The following SPMIP7 variants were observed in gnomAD, a reference collection of about 807,000 sequenced individuals.
SPMIP7 encodes the protein sperm microtubule inner protein 7, also known as protein SPMIP7.
At chr7:50,159,187 G>A in the SPMIP7 span, 4 of 1,549,564 alleles carry the variant, frequency 2.6e-6, no homozygotes, top group African/African-American at 1.4e-5. Context: ...GGCCCTGCGC[G>A]GGCTGTCCAG....
At chr7:50,115,093 A>G in the SPMIP7 span, among the ~76,000 whole-genome samples, 1 of 152,102 alleles carries the variant, frequency 6.6e-6, no homozygotes, top group African/African-American at 2.4e-5. Flanking sequence ...CATGTGAAAT[A>G]TAAATAGAAG....
chr7:50,131,605 A>G, the SPMIP7 span, among the ~76,000 whole-genome samples: 1 of 152,148 alleles, frequency 6.6e-6, no homozygotes, highest in Non-Finnish European at 1.5e-5. Context: ...AAAGAGAAAA[A>G]AAGAGGAGAA....
chr7:50,121,853 C>T, the SPMIP7 span, among the ~76,000 whole-genome samples: 9 of 151,564 alleles, frequency 5.9e-5, no homozygotes, highest in Non-Finnish European at 1.2e-4. Flanking sequence ...GATGGAGTTT[C>T]ACCATGTTGA....
the SPMIP7 span, chr7:50,141,202 A>AAGTT: frequency 1.1e-6 from 1 of 911,426 alleles, no homozygotes; most frequent in Admixed American, 2.3e-5. Flanking sequence ...TTTCCTTTGG[A>AAGTT]AGTTAGAATA....
chr7:50,100,812 A>AAAATAAAT, the SPMIP7 span, among the ~76,000 whole-genome samples: 4,431 of 139,280 alleles, frequency 0.032, 218 homozygotes, highest in African/African-American at 0.11. Flanking sequence ...ATGCCGTCCA[A>AAAATAAAT]AAATAAATAA....
the SPMIP7 span, among the ~76,000 whole-genome samples, chr7:50,136,854 T>G: frequency 2.0e-5 from 3 of 152,220 alleles, no homozygotes; most frequent in Non-Finnish European, 4.4e-5. Context: ...TTGTTTTTAT[T>G]TTGTATTCAT....
the SPMIP7 span, among the ~76,000 whole-genome samples, chr7:50,113,236 A>G: frequency 6.6e-6 from 1 of 152,264 alleles, no homozygotes; most frequent in South Asian, 2.1e-4. Context: ...TCCAAAACTT[A>G]AGAATAAAAC....
the SPMIP7 span, among the ~76,000 whole-genome samples, chr7:50,144,711 C>T: frequency 1.3e-5 from 2 of 152,042 alleles, no homozygotes; most frequent in African/African-American, 2.4e-5. Context: ...AAAATGTTAA[C>T]GCAGTTTCTA....
chr7:50,111,096 G>GTGTATA, the SPMIP7 span, among the ~76,000 whole-genome samples: 1 of 145,388 alleles, frequency 6.9e-6, no homozygotes, highest in Non-Finnish European at 1.5e-5. Context: ...TATATTATAT[G>GTGTATA]TGTATATGTT....
chr7:50,110,853 ATAAT>A, the SPMIP7 span, among the ~76,000 whole-genome samples: 1 of 133,156 alleles, frequency 7.5e-6, no homozygotes, highest in African/African-American at 2.9e-5. Context: ...ATTATAATAT[ATAAT>A]TAGATATTAT....
the SPMIP7 span, among the ~76,000 whole-genome samples, chr7:50,148,698 T>C: frequency 6.6e-6 from 1 of 152,212 alleles, no homozygotes; most frequent in East Asian, 1.9e-4. Flanking sequence ...CTGCCTAGAA[T>C]TCAGCAGCTT....
chr7:50,139,717 C>T, the SPMIP7 span, among the ~76,000 whole-genome samples: 8 of 152,160 alleles, frequency 5.3e-5, no homozygotes, highest in African/African-American at 1.9e-4. Flanking sequence ...CTTCCAAGAG[C>T]TCACACAAAG....
chr7:50,142,140 T>C, the SPMIP7 span: 1 of 152,120 alleles, frequency 6.6e-6, no homozygotes, highest in Non-Finnish European at 1.5e-5. Context: ...AAATCATTGC[T>C]ACTACACATA....
At chr7:50,100,089 A>G in the SPMIP7 span, among the ~76,000 whole-genome samples, 1 of 152,192 alleles carries the variant, frequency 6.6e-6, no homozygotes, top group African/African-American at 2.4e-5. Flanking sequence ...TCCAGAATGC[A>G]ATCTCTGTTC....
At chr7:50,128,251 A>G in the SPMIP7 span, among the ~76,000 whole-genome samples, 9 of 152,104 alleles carry the variant, frequency 5.9e-5, no homozygotes, top group South Asian at 1.9e-3. Flanking sequence ...TGATATACGA[A>G]AGCTAAAATG....
chr7:50,111,759 C>A, the SPMIP7 span, among the ~76,000 whole-genome samples: 1 of 152,044 alleles, frequency 6.6e-6, no homozygotes. Flanking sequence ...GCTCCTGTAT[C>A]AACATGACAG....
chr7:50,156,145 C>A, the SPMIP7 span, among the ~76,000 whole-genome samples: 1 of 152,332 alleles, frequency 6.6e-6, no homozygotes, highest in East Asian at 1.9e-4. Context: ...TTCATAAGGA[C>A]TGTGCCCTCT....
chr7:50,129,590 A>G, the SPMIP7 span: 1 of 689,312 alleles, frequency 1.5e-6, no homozygotes, highest in African/African-American at 1.8e-5. Context: ...AATCTGGTCA[A>G]TCCAAGAGGT....
chr7:50,134,171 A>G, the SPMIP7 span: 1 of 1,550,988 alleles, frequency 6.4e-7, no homozygotes, highest in Non-Finnish European at 8.7e-7. Context: ...AAGAAACAAC[A>G]TTGGAAAAAA....
Sources: allele counts gnomAD v4.1 joint callset (sites outside exome capture counted in the v4.1 genomes callset), GRCh38; gene constraint gnomAD v4.1.1; transcripts MANE v1.5; gene names NCBI Gene and HGNC (gene_info 2026-07-23, HGNC 2026-07-21).